The following GARS1 variants were observed in gnomAD, a reference collection of about 807,000 sequenced individuals.
GARS1 encodes the protein glycyl-tRNA synthetase 1, also known as glycine--tRNA ligase.
Under a neutral mutation model 86.4 loss-of-function variants are expected in GARS1, and 46 were observed. The ratio of observed to expected loss-of-function variants is 0.53; its 90% CI spans 0.42 to 0.68. The LOEUF is 0.68. GARS1 is among the 30% of genes least tolerant of loss of function. GARS1 has a pLI of 0.00. For synonymous variants in GARS1, 342 were observed against 329.8 expected (o/e 1.04, Z -0.40); for missense variants, 797 against 915.6 (o/e 0.87, Z 1.67).
chr7:30,616,072 G>A lies in GARS1; in HGVS notation c.1194+14G>A, dbSNP rs967318595. On this transcript the variant is annotated intron_variant, in intron 9 of 16. Transcript: ENST00000389266. Reference sequence around the variant, plus strand: ...GCTGTTGAACAGGTAGGATTCTGGAGGTAACTTAACTTAGATTGTGCCTGT... The same window carrying A: ...GCTGTTGAACAGGTAGGATTCTGGAAGTAACTTAACTTAGATTGTGCCTGT... The A allele has an allele frequency of 1.2e-6, 2 of 1,613,922 alleles. No homozygotes were observed. Among genetic ancestry groups the A allele is most frequent in the African/African-American group, 2.7e-5 (2 of 74,912 alleles).
Position 30,632,281 on chromosome 7 carries a change from A to T in GARS1, c.1938A>T (p.Lys646Asn). The change falls in exon 16 of 17, where the codon AAA becomes AAT. Residue 646 changes from lysine to asparagine, a missense_variant. This residue lies in a region of GARS1 where 598 missense variants were observed against 738.7 expected (regional missense o/e 0.81). Coordinates refer to ENST00000389266, the MANE Select transcript of GARS1 (RefSeq NM_002047.4). This position sits in a 1 kb window ranked among gnomAD's most constrained non-coding sequence, Gnocchi z 4.1. ...EALTRHGVSH[K>N]VDDSSGSIGR... is the part of the protein sequence containing the mutation. ...TGACCAGGCATGGAGTATCTCACAA[A>T]GTAGACGATTCCTCTGGGTCAATCG... 1 of 1,614,170 alleles carries T rather than the reference A, an allele frequency of 6.2e-7. No homozygotes were observed. The highest frequency in any genetic ancestry group is 8.5e-7 in the Non-Finnish European group (1 of 1,180,034).
chr7:30,627,957 G>T (rs1363711428), intron 13 of GARS1, among the ~76,000 whole-genome samples: 1 of 152,144 alleles, frequency 6.6e-6, no homozygotes, highest in Non-Finnish European at 1.5e-5. Flanking sequence ...GCTGCTATTC[G>T]TAGTTTGCTG....
In GARS1 at chr7:30,614,229, T is replaced by C. The variant is rs903569970; in HGVS notation, c.1032-1667T>C. The C allele has an allele frequency of 2.8e-5, 4 of 141,284 alleles. No individual in the cohort carries two copies. In the East Asian group the frequency reaches 5.9e-4, roughly 21 times the overall value. 8.8% of individuals were successfully genotyped at this position (141,284 alleles called of 1,614,324 possible). Reference sequence around the variant, plus strand: ...CATAATTATCACCTCACATAGTTACTTTTTTTTTTTTTAGTGGTGAGATCT... The same window carrying C: ...CATAATTATCACCTCACATAGTTACCTTTTTTTTTTTTAGTGGTGAGATCT... On this transcript the variant is annotated intron_variant, in intron 8 of 16. Transcript: ENST00000389266.
chr7:30,612,700 C>G (rs1416830190), intron 8 of GARS1, among the ~76,000 whole-genome samples: 4 of 152,060 alleles, frequency 2.6e-5, no homozygotes, highest in Admixed American at 6.6e-5. Flanking sequence ...GTATCAGTAA[C>G]CAACTGGAGT....
intron 10 of GARS1, among the ~76,000 whole-genome samples, chr7:30,619,775 T>TC (rs1782964043): frequency 6.8e-6 from 1 of 147,068 alleles, no homozygotes. Context: ...TTTCTTTTTT[T>TC]CTTTTTTTTT....
chr7:30,628,724 AATTAC>A lies in GARS1; in HGVS notation c.1809+59_1809+63del, dbSNP rs1019448285. ...AGTGTCAGAAAATAAAAATTTTCTGAATTACATTGTGAAGTACATTAATAAGACTC... is the reference window on the plus strand; with the variant it reads ...AGTGTCAGAAAATAAAAATTTTCTGAATTGTGAAGTACATTAATAAGACTC... On this transcript the variant is annotated intron_variant, in intron 14 of 16. Transcript: ENST00000389266. The A allele has an allele frequency of 1.6e-5, 18 of 1,151,932 alleles. No homozygotes were observed. In the African/African-American group the frequency reaches 2.3e-4, roughly 15 times the overall value. The allele number at this position is 1,151,932 out of a possible 1,614,324, so 71.4% of individuals were successfully genotyped here.
chr7:30,614,733 G>A (rs914666640), intron 8 of GARS1, among the ~76,000 whole-genome samples: 8 of 151,900 alleles, frequency 5.3e-5, no homozygotes, highest in African/African-American at 1.5e-4. Flanking sequence ...AAAATTAGCC[G>A]GGCGTGGTGG....
Position 30,616,069 on chromosome 7 carries a change from G to T in GARS1, c.1194+11G>T. 6.2e-7 allele frequency: 1 copy of T among 1,614,096 alleles called. No individual in the cohort carries two copies. The highest frequency in any genetic ancestry group is 8.5e-7 in the Non-Finnish European group (1 of 1,179,992). ...GATGCTGTTGAACAGGTAGGATTCT[G>T]GAGGTAACTTAACTTAGATTGTGCC... On this transcript the variant is annotated intron_variant, in intron 9 of 16. Coordinates refer to ENST00000389266, the MANE Select transcript of GARS1 (RefSeq NM_002047.4).
chr7:30,604,913 T>C (rs1791452317), intron 6 of GARS1, among the ~76,000 whole-genome samples: 1 of 152,230 alleles, frequency 6.6e-6, no homozygotes. Context: ...CCAAGTACGT[T>C]GTCAGAGTTG....
At chr7:30,596,233 C>G (rs1008949408) in intron 1 of GARS1, among the ~76,000 whole-genome samples, 1 of 152,212 alleles carries the variant, frequency 6.6e-6, no homozygotes, top group African/African-American at 2.4e-5. Flanking sequence ...GCAAATTCAG[C>G]CACTTTGCCA....
Position 30,603,424 on chromosome 7 carries a change from T to G in GARS1, c.659-72T>G, listed in dbSNP as rs568663673. ...TATGCTTGGATTTACTTTTTAATTG[T>G]CTAGCATTGAAACTGAAAAGTGCAT... is the stretch of plus-strand genomic sequence containing the variant. On this transcript the variant is annotated intron_variant, in intron 5 of 16. Transcript: ENST00000389266. The G allele has an allele frequency of 2.5e-6, 3 of 1,204,404 alleles. No homozygotes were observed. The East Asian group carries it at 7.0e-5, about 28-fold the overall frequency. The allele number at this position is 1,204,404 out of a possible 1,614,324, so 74.6% of individuals were successfully genotyped here. A position where few individuals can be genotyped will look rare whatever the true frequency, so the allele number is the denominator to read the frequency against.
At chr7:30,600,960 C>T in intron 3 of GARS1, 99 bp from the exon 4 acceptor site, 6 of 1,095,320 alleles carry the variant, frequency 5.5e-6, no homozygotes, top group South Asian at 1.3e-5. Context: ...GACTTGAATA[C>T]ACTTTTAGGG....
chr7:30,626,508 T>C (rs1424476037), intron 13 of GARS1, among the ~76,000 whole-genome samples, 189 bp downstream of exon 13: 4 of 152,156 alleles, frequency 2.6e-5, no homozygotes, highest in Admixed American at 2.6e-4. Context: ...GGCTACCATA[T>C]CCAACTAATT....
chr7:30,607,019 A>C (rs1247595679), intron 6 of GARS1, among the ~76,000 whole-genome samples: 8 of 152,344 alleles, frequency 5.3e-5, no homozygotes, highest in Non-Finnish European at 1.2e-4. Context: ...ACAGTCTCAG[A>C]ATGACAATAC....
At chr7:30,625,808 C>G (rs1783117373) in intron 12 of GARS1, among the ~76,000 whole-genome samples, 1 of 152,210 alleles carries the variant, frequency 6.6e-6, no homozygotes, top group Non-Finnish European at 1.5e-5. Context: ...AAAATTACTT[C>G]TGTAAGATGG....
intron 6 of GARS1, among the ~76,000 whole-genome samples, chr7:30,607,693 TA>T (rs1476624947): frequency 6.6e-6 from 1 of 152,236 alleles, no homozygotes; most frequent in Non-Finnish European, 1.5e-5. Flanking sequence ...ACTTAAAGTA[TA>T]ATAAAAAAGT....
At chr7:30,601,889 C>T (rs1169035923) in intron 4 of GARS1, among the ~76,000 whole-genome samples, 5 of 147,466 alleles carry the variant, frequency 3.4e-5, no homozygotes, top group East Asian at 4.1e-4. Flanking sequence ...CGCCATTCTC[C>T]TGCCTCAGCC....
chr7:30,616,146 T>C, intron 9 of GARS1, 88 bp downstream of exon 9: 1 of 1,439,090 alleles, frequency 6.9e-7, no homozygotes, highest in Non-Finnish European at 9.7e-7. Context: ...GGTGACAAGA[T>C]ATTTTATTTT....
At chr7:30,598,120 G>A (rs1362028182) in intron 1 of GARS1, among the ~76,000 whole-genome samples, 4 of 152,008 alleles carry the variant, frequency 2.6e-5, no homozygotes, top group East Asian at 1.9e-4. Flanking sequence ...TTTTGTAAGC[G>A]AGAGGAGAGA....
Sources: gnomAD v4.1 joint callset for allele counts (sites outside exome capture counted in the v4.1 genomes callset) on GRCh38, gnomAD v4.1.1 for gene constraint, gnomAD v4.1.1 regional missense constraint, Gnocchi (gnomAD v3.1) non-coding constraint, MANE v1.5 for transcripts, NCBI Gene and HGNC (gene_info 2026-07-23, HGNC 2026-07-21) for gene names.